CPPED1: variants seen among roughly 807,000 people sequenced by gnomAD.
The protein encoded by CPPED1 is serine/threonine-protein phosphatase CPPED1.
In CPPED1, 28 loss-of-function variants were observed where a neutral mutation model predicts 28.0. The observed-to-expected ratio is 1.00, with a 90% CI of 0.74 to 1.37. The LOEUF (loss-of-function observed/expected upper bound fraction) is 1.37. Among genes scored for constraint, CPPED1 ranks in the 40% most tolerant of loss-of-function variants. The pLI is 0.00. For synonymous variants in CPPED1, 198 were observed against 180.2 expected (o/e 1.10, Z -0.79); for missense variants, 504 against 416.5 (o/e 1.21, Z -1.83).
intron 2 of CPPED1, among the ~76,000 whole-genome samples, chr16:12,705,954 T>C (rs976843880): frequency 1.3e-5 from 2 of 152,228 alleles, no homozygotes; most frequent in African/African-American, 2.4e-5. Context: ...CTTGGTTAAG[T>C]TGTCGCTGTA....
chr16:12,761,900 A>T (rs2080411919), intron 2 of CPPED1, among the ~76,000 whole-genome samples: 1 of 152,004 alleles, frequency 6.6e-6, no homozygotes, highest in African/African-American at 2.4e-5. Flanking sequence ...AATTCCAGCT[A>T]CTCACTCGGG....
chr16:12,721,486 C>G (rs1374396990), intron 2 of CPPED1, among the ~76,000 whole-genome samples: 1 of 152,144 alleles, frequency 6.6e-6, no homozygotes, highest in Non-Finnish European at 1.5e-5. Context: ...GGCAGGATGG[C>G]TTACGCCTGT....
chr16:12,672,682 G>A (rs1185309807), intron 3 of CPPED1, among the ~76,000 whole-genome samples: 1 of 152,208 alleles, frequency 6.6e-6, no homozygotes, highest in Non-Finnish European at 1.5e-5. Context: ...GGATTAGTGA[G>A]AGGCACATCA....
chr16:12,751,272 G>C (rs554798383), intron 2 of CPPED1, among the ~76,000 whole-genome samples: 1 of 152,240 alleles, frequency 6.6e-6, no homozygotes, highest in South Asian at 2.1e-4. Flanking sequence ...TTCCAGCAGA[G>C]TGTTCTTAAG....
intron 3 of CPPED1, among the ~76,000 whole-genome samples, chr16:12,684,965 GT>G (rs2141174490): frequency 6.6e-6 from 1 of 152,284 alleles, no homozygotes; most frequent in East Asian, 1.9e-4. Context: ...GGAAGGGAGA[GT>G]TCCCGTATTT....
chr16:12,729,684 C>T (rs949465633), intron 2 of CPPED1, among the ~76,000 whole-genome samples: 1 of 152,124 alleles, frequency 6.6e-6, no homozygotes, highest in Non-Finnish European at 1.5e-5. Context: ...AAAAAGCCAT[C>T]TTAAAGTCAT....
rs2079808033 is a variant in CPPED1 at position 12,663,506 on chromosome 16, A to G, written c.*1380T>C. On this transcript the variant is annotated 3_prime_UTR_variant, in exon 4 of 4. Coordinates refer to ENST00000381774, the MANE Select transcript of CPPED1 (RefSeq NM_018340.3). ...GCGTTCTAGTTTTTTAAAAAATTTA[A>G]TTTTCTTGTGGCACATAACAATGAA... 6.6e-6 allele frequency: 1 copy of G among 152,120 alleles called. No individual in the cohort carries two copies. The highest frequency in any genetic ancestry group is 2.4e-5 in the African/African-American group (1 of 41,418). The allele number at this position is 152,120 out of a possible 1,614,324, so 9.4% of individuals were successfully genotyped here.
At chr16:12,686,453 C>T (rs1276142143) in intron 3 of CPPED1, among the ~76,000 whole-genome samples, 2 of 152,194 alleles carry the variant, frequency 1.3e-5, no homozygotes, top group Non-Finnish European at 2.9e-5. Context: ...CAAGAGGCCG[C>T]AGAGGGTTTC....
In CPPED1 at chr16:12,678,968, T is replaced by A. The variant is rs75965867; in HGVS notation, c.716-13853A>T. On this transcript the variant is annotated intron_variant, in intron 3 of 3. Coordinates refer to ENST00000381774, the MANE Select transcript of CPPED1 (RefSeq NM_018340.3). ...TTCTTGTTGGTTATAAATTTAGTTT[T>A]CATATTCCTATTTTTTAGACTTTTG... 4.0e-3 allele frequency among the ~76,000 whole-genome samples: 612 copies of A among 152,358 alleles called. 5 individuals are homozygous for A. Among genetic ancestry groups the A allele is most frequent in the African/African-American group, 0.013 (532 of 41,592 alleles).
chr16:12,710,812 GC>G (rs2080076105), intron 2 of CPPED1, among the ~76,000 whole-genome samples: 1 of 152,192 alleles, frequency 6.6e-6, no homozygotes, highest in African/African-American at 2.4e-5. Flanking sequence ...CATGAGGATA[GC>G]TACTATCAAA....
intron 3 of CPPED1, among the ~76,000 whole-genome samples, chr16:12,700,181 CCTT>C (rs1470060733): frequency 6.6e-6 from 1 of 152,208 alleles, no homozygotes; most frequent in Admixed American, 6.5e-5. Context: ...ATCTCTCTGG[CCTT>C]CTCTGTGAAG....
At chr16:12,671,142 C>T (rs1438046585) in intron 3 of CPPED1, among the ~76,000 whole-genome samples, 4 of 152,130 alleles carry the variant, frequency 2.6e-5, no homozygotes, top group Non-Finnish European at 4.4e-5. Context: ...TGAGCCATCG[C>T]GTCTGGCTGT....
At chr16:12,755,961 C>T (rs561240322) in intron 2 of CPPED1, among the ~76,000 whole-genome samples, 1 of 152,142 alleles carries the variant, frequency 6.6e-6, no homozygotes, top group African/African-American at 2.4e-5. Flanking sequence ...GAAAACCTGT[C>T]TCCAATAAAA....
intron 1 of CPPED1, among the ~76,000 whole-genome samples, chr16:12,799,984 C>T (rs112299651): frequency 2.0e-5 from 3 of 152,182 alleles, no homozygotes; most frequent in Non-Finnish European, 4.4e-5. Flanking sequence ...TCCAGCATCC[C>T]CATTCTTATC....
chr16:12,729,440 A>G (rs941046113), intron 2 of CPPED1, among the ~76,000 whole-genome samples: 4 of 152,238 alleles, frequency 2.6e-5, no homozygotes, highest in Admixed American at 1.3e-4. Flanking sequence ...CATTTAAGAG[A>G]AAGCATCCCA....
chr16:12,717,281 T>C (rs1400308073), intron 2 of CPPED1, among the ~76,000 whole-genome samples: 1 of 152,236 alleles, frequency 6.6e-6, no homozygotes, highest in African/African-American at 2.4e-5. Context: ...TTTTTTTCTT[T>C]GAGGCGGAGT....
intron 2 of CPPED1, among the ~76,000 whole-genome samples, chr16:12,714,816 T>C (rs1423493766): frequency 6.6e-6 from 1 of 152,200 alleles, no homozygotes; most frequent in East Asian, 1.9e-4. Flanking sequence ...AATTTATCTA[T>C]TTTCTGTTTT....
rs191275541 is a variant in CPPED1 at position 12,750,627 on chromosome 16, C to T, written c.289+30558G>A. On this transcript the variant is annotated intron_variant, in intron 2 of 3. Transcript: ENST00000381774. ...CAGATATAGTAAAGAAGAAAAAGTT[C>T]AAAATATTGCAAGAATTACCAAGAT... is the stretch of plus-strand genomic sequence containing the variant. Among the ~76,000 whole-genome samples, 10 of 152,182 alleles carry T rather than the reference C, an allele frequency of 6.6e-5. No individual in the cohort carries two copies. The East Asian group carries it at 1.9e-3, about 29-fold the overall frequency.
Position 12,762,925 on chromosome 16 carries a change from T to A in CPPED1, c.289+18260A>T, listed in dbSNP as rs191844563. ...CACCCAGCTAATTAAAAAAAAAAAA[T>A]TTTTGTAGAAATGAAGTCTTGCGCC... is the stretch of plus-strand genomic sequence containing the variant. On this transcript the variant is annotated intron_variant, in intron 2 of 3. Transcript: ENST00000381774. Among the ~76,000 whole-genome samples, 1,233 of 151,290 alleles carry A rather than the reference T, an allele frequency of 8.1e-3. 16 individuals carry two copies. Among genetic ancestry groups the A allele is most frequent in the African/African-American group, 0.023 (935 of 41,306 alleles).
Sources: allele counts gnomAD v4.1 joint callset (sites outside exome capture counted in the v4.1 genomes callset), GRCh38; gene constraint gnomAD v4.1.1; transcripts MANE v1.5; gene names NCBI Gene and HGNC (gene_info 2026-07-23, HGNC 2026-07-21).